Variants in MPP7 observed in about 807,000 individuals in gnomAD.
The protein encoded by MPP7 is MAGUK p55 scaffold protein 7, also known as MAGUK p55 subfamily member 7.
MPP7 carries 60 observed loss-of-function variants against 76.5 expected under a neutral mutation model. That is an observed-to-expected ratio of 0.78 (90% CI 0.64 to 0.97). The LOEUF (loss-of-function observed/expected upper bound fraction) is 0.97. Ranked by LOEUF, MPP7 falls within the 50% of genes least tolerant of loss-of-function variation. The probability of loss-of-function intolerance (pLI) is 0.00; values close to 1 mark genes in which losing one functional copy is unlikely to be tolerated. For synonymous variants in MPP7, 237 were observed against 244.5 expected, an observed-to-expected ratio of 0.97 and a Z score of 0.29; for missense variants, 641 against 694.0, an observed-to-expected ratio of 0.92 and a Z score of 0.86.
intron 1 of MPP7, among the ~76,000 whole-genome samples, chr10:28,285,150 T>TAAAAAC (rs1840763334): frequency 6.6e-6 from 1 of 152,176 alleles, no homozygotes; most frequent in Non-Finnish European, 1.5e-5. Context: ...AAACTGATGT[T>TAAAAAC]AAAAACAAAA....
intron 12 of MPP7, among the ~76,000 whole-genome samples, chr10:28,076,927 C>G (rs1287706351): frequency 1.3e-5 from 2 of 151,722 alleles, no homozygotes; most frequent in East Asian, 3.9e-4. Flanking sequence ...CCCAGCCTGC[C>G]TTGTCCCTCA....
intron 5 of MPP7, among the ~76,000 whole-genome samples, chr10:28,146,480 C>T (rs999825229): frequency 6.6e-6 from 1 of 150,618 alleles, no homozygotes; most frequent in Admixed American, 6.6e-5. Context: ...CAGCTCACTG[C>T]AAGCTCCGCC....
intron 1 of MPP7, among the ~76,000 whole-genome samples, chr10:28,251,341 A>G (rs1044045741): frequency 5.3e-5 from 8 of 152,156 alleles, no homozygotes; most frequent in African/African-American, 1.9e-4. Context: ...ACATGCCTGT[A>G]GTCCCAGCTA....
intron 2 of MPP7, among the ~76,000 whole-genome samples, chr10:28,230,109 A>T (rs1245211613): frequency 6.6e-6 from 1 of 152,174 alleles, no homozygotes; most frequent in Non-Finnish European, 1.5e-5. Context: ...GTAATTTTGA[A>T]GGAAACTACC....
chr10:28,317,260 G>A (rs1346281862), intron 2 of MPP7, among the ~76,000 whole-genome samples: 2 of 152,172 alleles, frequency 1.3e-5, no homozygotes, highest in Non-Finnish European at 2.9e-5. Flanking sequence ...GGACACAGTG[G>A]CTCACACCTG....
intron 2 of MPP7, chr10:28,236,892 C>A (rs924593911): frequency 6.6e-6 from 1 of 152,106 alleles, no homozygotes; most frequent in South Asian, 2.1e-4. Context: ...CCGTACTTTG[C>A]GGCTTCTGTA....
intron 11 of MPP7, among the ~76,000 whole-genome samples, chr10:28,091,703 C>T (rs1344117819): frequency 6.6e-6 from 1 of 152,188 alleles, no homozygotes; most frequent in African/African-American, 2.4e-5. Context: ...GGGTTCCATC[C>T]ATGTGGATTT....
intron 1 of MPP7, among the ~76,000 whole-genome samples, chr10:28,276,644 C>T (rs1365392586): frequency 1.3e-5 from 2 of 151,972 alleles, no homozygotes; most frequent in East Asian, 1.9e-4. Flanking sequence ...CACATGGGTG[C>T]GTTTGTTTTC....
At chr10:28,071,009 C>G (rs1852217897) in intron 12 of MPP7, among the ~76,000 whole-genome samples, 1 of 152,232 alleles carries the variant, frequency 6.6e-6, no homozygotes, top group African/African-American at 2.4e-5. Flanking sequence ...AGTCCCATCT[C>G]TTCCCATCTG....
At chr10:28,261,616 A>T (rs1292786121) in intron 1 of MPP7, among the ~76,000 whole-genome samples, 1 of 152,186 alleles carries the variant, frequency 6.6e-6, no homozygotes, top group Non-Finnish European at 1.5e-5. Flanking sequence ...CAGAGTGTGG[A>T]TATCAGACAC....
chr10:28,158,864 T>G (rs1376306317), intron 3 of MPP7, among the ~76,000 whole-genome samples: 3 of 152,120 alleles, frequency 2.0e-5, no homozygotes, highest in African/African-American at 7.2e-5. Flanking sequence ...GAAGAGGCAA[T>G]AATGTGGCCA....
At chr10:28,143,855 C>CTGTGTGTGTGTG (rs60960005) in intron 5 of MPP7, among the ~76,000 whole-genome samples, 3 of 134,448 alleles carry the variant, frequency 2.2e-5, no homozygotes, top group African/African-American at 8.3e-5. Flanking sequence ...CAATCGTGTG[C>CTGTGTGTGTGTG]TGTGTGTGTG....
chr10:28,092,614 C>T lies in MPP7; in HGVS notation c.953-2773G>A, dbSNP rs373150381. Among the ~76,000 whole-genome samples the T allele has an allele frequency of 1.3e-4, 18 of 138,264 alleles. No homozygotes were observed. The East Asian group carries it at 3.9e-3, about 30-fold the overall frequency. 90.7% of individuals were successfully genotyped at this position (138,264 alleles called of 152,430 possible). A position where few individuals can be genotyped will look rare whatever the true frequency, so the allele number is the denominator to read the frequency against. On this transcript the variant is annotated intron_variant, in intron 11 of 16. Coordinates refer to ENST00000683449, the MANE Select transcript of MPP7 (RefSeq NM_001318170.2). ...TTGAGACAGGGACTGGCTCTGTTGCCCAGGCTGGAGTGCAGTGGCAGGATC... is the reference window on the plus strand; with the variant it reads ...TTGAGACAGGGACTGGCTCTGTTGCTCAGGCTGGAGTGCAGTGGCAGGATC...
intron 1 of MPP7, among the ~76,000 whole-genome samples, chr10:28,253,691 A>C (rs1318972222): frequency 6.6e-6 from 1 of 152,012 alleles, no homozygotes; most frequent in Admixed American, 6.6e-5. Flanking sequence ...ATCATTTCTC[A>C]ATTATTAAAA....
At chr10:28,187,177 C>T (rs778191870) in intron 3 of MPP7, among the ~76,000 whole-genome samples, 1 of 152,142 alleles carries the variant, frequency 6.6e-6, no homozygotes, top group Non-Finnish European at 1.5e-5. Context: ...GTAGACCACG[C>T]GGGAGGGCAC....
chr10:28,190,207 G>A, intron 3 of MPP7, among the ~76,000 whole-genome samples: 1 of 152,070 alleles, frequency 6.6e-6, no homozygotes, highest in Non-Finnish European at 1.5e-5. Flanking sequence ...AGAAATGCAT[G>A]AAGTCACTAT....
intron 1 of MPP7, among the ~76,000 whole-genome samples, chr10:28,255,141 A>C (rs11006958): frequency 0.08 from 12,161 of 152,224 alleles, 990 homozygotes; most frequent in East Asian, 0.4. Flanking sequence ...ATAGGAACTC[A>C]TCTTTTCTGT....
chr10:28,145,135 G>A (rs570454189), intron 5 of MPP7, among the ~76,000 whole-genome samples: 14 of 152,136 alleles, frequency 9.2e-5, no homozygotes, highest in Admixed American at 6.5e-5. Context: ...GGCTGGTCTC[G>A]AACTTCTGAC....
intron 1 of MPP7, among the ~76,000 whole-genome samples, chr10:28,243,732 C>T (rs866484768): frequency 1.3e-5 from 2 of 151,936 alleles, no homozygotes; most frequent in African/African-American, 2.4e-5. Context: ...ATCCTTCAAC[C>T]GGAACATACA....
Sources: gnomAD v4.1 joint callset for allele counts (sites outside exome capture counted in the v4.1 genomes callset) on GRCh38, gnomAD v4.1.1 for gene constraint, MANE v1.5 for transcripts, NCBI Gene and HGNC (gene_info 2026-07-23, HGNC 2026-07-21) for gene names.